The following GPR161 variants were observed in gnomAD, a reference collection of about 807,000 sequenced individuals.
GPR161 encodes G-protein coupled receptor RE2.
GPR161 carries 25 observed loss-of-function variants against 39.2 expected under a neutral mutation model. The observed-to-expected ratio is 0.64, with a 90% CI of 0.47 to 0.89. The LOEUF is 0.89. Ranked by LOEUF, GPR161 falls within the 40% of genes least tolerant of loss-of-function variation. GPR161 has a pLI of 0.00. For missense variants in GPR161, 547 were observed against 677.8 expected (o/e 0.81, Z 2.14); for synonymous variants, 286 against 276.6 (o/e 1.03, Z -0.34).
Position 168,136,916 on chromosome 1 carries a change from G to T in GPR161, c.-222C>A. On this transcript the variant is annotated 5_prime_UTR_variant, in exon 1 of 6. Coordinates refer to ENST00000682931, the MANE Select transcript of GPR161 (RefSeq NM_001375883.1). ...CAGCCACCAGCACGCGGACCCGGGC[G>T]GGCGCAGGCCAAGTAACTTTGCGGC... 1 of 978,682 alleles carries T rather than the reference G, an allele frequency of 1.0e-6. No homozygotes were observed. Among genetic ancestry groups the T allele is most frequent in the Non-Finnish European group, 1.2e-6 (1 of 827,454 alleles). The allele number at this position is 978,682 out of a possible 1,614,324, so 60.6% of individuals were successfully genotyped here. A position where few individuals can be genotyped will look rare whatever the true frequency, so the allele number is the denominator to read the frequency against.
rs1694320230 is a variant in GPR161 at position 168,084,851 on chromosome 1, C to G, written c.*680G>C. 4 of 455,994 alleles carry G rather than the reference C, an allele frequency of 8.8e-6. No homozygotes were observed. Among genetic ancestry groups the G allele is most frequent in the Non-Finnish European group, 1.8e-5 (4 of 226,952 alleles). 28.2% of individuals were successfully genotyped at this position (455,994 alleles called of 1,614,324 possible). A position where few individuals can be genotyped will look rare whatever the true frequency, so the allele number is the denominator to read the frequency against. On this transcript the variant is annotated 3_prime_UTR_variant, in exon 6 of 6. Transcript: ENST00000682931. ...TAGTGGTTTCTCCCTTTTGAAATAC[C>G]AAAGAACTTGTCAGTAGGGAAGTAG... is the stretch of plus-strand genomic sequence containing the variant.
At chr1:168,116,968 C>T (rs1336940828) in intron 1 of GPR161, among the ~76,000 whole-genome samples, 1 of 152,126 alleles carries the variant, frequency 6.6e-6, no homozygotes, top group Admixed American at 6.6e-5. Context: ...ATTCTGAATT[C>T]GCCAATGGGA....
intron 4 of GPR161, chr1:168,088,617 G>C (rs1259382310): frequency 2.6e-5 from 4 of 152,210 alleles, no homozygotes; most frequent in African/African-American, 9.7e-5. Context: ...TGTAAACCTG[G>C]GGTCATCATT....
intron 1 of GPR161, among the ~76,000 whole-genome samples, chr1:168,110,529 AAAGG>A (rs1320392726): frequency 1.3e-5 from 1 of 79,582 alleles, no homozygotes; most frequent in African/African-American, 6.8e-5. Context: ...AAAACGAAAG[AAAGG>A]AAAGGAAAGA....
At chr1:168,137,198 C>T, upstream of GPR161, 1 of 1,434,130 alleles carries the variant, frequency 7.0e-7, no homozygotes, top group African/African-American at 1.4e-5. Context: ...TCCTGAAAAC[C>T]TTTGTGGTGC....
In GPR161 at chr1:168,085,134, C is replaced by T. The variant is rs1403349614; in HGVS notation, c.*397G>A. The stretch of plus-strand genomic sequence containing the variant: ...CTCCTGAGGCATCTGGCACAGTGCA[C>T]GGCTGGACTCCCAGCACACTGTGAA... On this transcript the variant is annotated 3_prime_UTR_variant, in exon 6 of 6. Coordinates refer to ENST00000682931, the MANE Select transcript of GPR161 (RefSeq NM_001375883.1). The T allele has an allele frequency of 4.4e-6, 2 of 459,020 alleles. No individual in the cohort carries two copies. The highest frequency in any genetic ancestry group is 4.7e-5 in the Admixed American group (2 of 42,362). 28.4% of individuals were successfully genotyped at this position (459,020 alleles called of 1,614,324 possible).
chr1:168,132,317 G>A (rs1396400891), intron 1 of GPR161, among the ~76,000 whole-genome samples: 1 of 151,772 alleles, frequency 6.6e-6, no homozygotes, highest in Non-Finnish European at 1.5e-5. Context: ...GCCGGGCGCT[G>A]TGGCTCTCGC....
At chr1:168,097,280 G>C in intron 2 of GPR161, 48 bp from the exon 3 acceptor site, 1 of 1,558,080 alleles carries the variant, frequency 6.4e-7, no homozygotes, top group South Asian at 1.2e-5. Flanking sequence ...AGCGGAGAGA[G>C]AAAACCGCTG....
chr1:168,119,639 G>T (rs1191115277), intron 1 of GPR161, among the ~76,000 whole-genome samples: 5 of 152,136 alleles, frequency 3.3e-5, no homozygotes, highest in Admixed American at 3.3e-4. Flanking sequence ...CTTAAAAATG[G>T]TTAAGATGGT....
In GPR161 at chr1:168,099,847, G is replaced by A. The variant is rs907929541; in HGVS notation, c.375-2615C>T. Among the ~76,000 whole-genome samples, 9 of 141,388 alleles carry A rather than the reference G, an allele frequency of 6.4e-5. No individual in the cohort carries two copies. In the East Asian group the frequency reaches 1.3e-3, roughly 21 times the overall value. The allele number at this position is 141,388 out of a possible 152,430, so 92.8% of individuals were successfully genotyped here. On this transcript the variant is annotated intron_variant, in intron 2 of 5. Transcript: ENST00000682931. Reference sequence around the variant, plus strand: ...TTAAGTTTTTTTTTTGGGGGGGGGGGGTTGGTGTGGATAAAATGTATGTAC... The same window carrying A: ...TTAAGTTTTTTTTTTGGGGGGGGGGAGTTGGTGTGGATAAAATGTATGTAC...
At chr1:168,094,282 T>C (rs759033242) in intron 3 of GPR161, among the ~76,000 whole-genome samples, 1 of 152,208 alleles carries the variant, frequency 6.6e-6, no homozygotes, top group Non-Finnish European at 1.5e-5. Flanking sequence ...TCTATTTTTT[T>C]TTGCCTAGAA....
chr1:168,127,206 C>T (rs775287063), intron 1 of GPR161, among the ~76,000 whole-genome samples: 6 of 152,124 alleles, frequency 3.9e-5, no homozygotes, highest in South Asian at 4.1e-4. Context: ...TCAAGCTGGC[C>T]GGGCACAGTG....
In GPR161 at chr1:168,083,920, CCT is replaced by C. The variant is rs1483653701; in HGVS notation, c.*1609_*1610del. On this transcript the variant is annotated 3_prime_UTR_variant, in exon 6 of 6. Coordinates refer to ENST00000682931, the MANE Select transcript of GPR161 (RefSeq NM_001375883.1). ...GGTAATTCACTTTCTAGAACAGCTGCCTCTCAGCAACCAGCAAGATCTCCTTG... is the reference window on the plus strand; with the variant it reads ...GGTAATTCACTTTCTAGAACAGCTGCCTCAGCAACCAGCAAGATCTCCTTG... 1 of 152,288 alleles carries C rather than the reference CCT, an allele frequency of 6.6e-6. No homozygotes were observed. Among genetic ancestry groups the C allele is most frequent in the Non-Finnish European group, 1.5e-5 (1 of 68,082 alleles). The allele number at this position is 152,288 out of a possible 1,614,324, so 9.4% of individuals were successfully genotyped here.
Position 168,085,754 on chromosome 1 carries a change from T to C in GPR161, c.1367A>G (p.His456Arg), listed in dbSNP as rs1694431473. ...NSILHVKAEV[H>R]KSLDSYAASL... ...TGCTGCGTAACTGTCCAAGGACTTG[T>C]GTACTTCAGCTTTCACATGAAGAAT... Residue 456 changes from histidine to arginine, a missense_variant, in exon 6 of 6, where the codon CAC becomes CGC. Transcript: ENST00000682931. The C allele has an allele frequency of 6.2e-7, 1 of 1,613,976 alleles. No homozygotes were observed.
rs990666253 is a variant in GPR161 at position 168,104,978 on chromosome 1, G to C, written c.-44-84C>G. 6.6e-6 allele frequency: 7 copies of C among 1,055,992 alleles called. No individual in the cohort carries two copies. In the African/African-American group the frequency reaches 9.4e-5, roughly 14 times the overall value. The allele number at this position is 1,055,992 out of a possible 1,614,324, so 65.4% of individuals were successfully genotyped here. A position where few individuals can be genotyped will look rare whatever the true frequency, so the allele number is the denominator to read the frequency against. ...CACCTTAGGGAAGAAAGGCTTAAAG[G>C]GGTTAAGTGCTACGCCTCAGATCAC... On this transcript the variant is annotated intron_variant, in intron 1 of 5. Coordinates refer to ENST00000682931, the MANE Select transcript of GPR161 (RefSeq NM_001375883.1).
intron 1 of GPR161, among the ~76,000 whole-genome samples, chr1:168,129,930 C>T (rs1331529744): frequency 6.6e-6 from 1 of 152,134 alleles, no homozygotes; most frequent in Admixed American, 6.5e-5. Flanking sequence ...GCAAGGTCAC[C>T]CTAACATCCT....
At chr1:168,091,214 A>G (rs1036282570) in intron 3 of GPR161, among the ~76,000 whole-genome samples, 3 of 151,482 alleles carry the variant, frequency 2.0e-5, no homozygotes, top group Non-Finnish European at 4.4e-5. Flanking sequence ...AAACTCAGGA[A>G]CGGGGTTGGG....
chr1:168,129,963 T>C lies in GPR161; in HGVS notation c.-45+6776A>G, dbSNP rs146122935. On this transcript the variant is annotated intron_variant, in intron 1 of 5. Coordinates refer to ENST00000682931, the MANE Select transcript of GPR161 (RefSeq NM_001375883.1). ...CCTAGCCAAACCCAATGGGCCCTTA[T>C]TGAGCTCTCTGCAGCATCTGACACT... Among the ~76,000 whole-genome samples, 167 of 152,306 alleles carry C rather than the reference T, an allele frequency of 1.1e-3. 1 individual carries two copies. Among genetic ancestry groups the C allele is most frequent in the African/African-American group, 3.8e-3 (158 of 41,574 alleles).
intron 1 of GPR161, chr1:168,135,948 T>C: frequency 5.8e-6 from 5 of 859,116 alleles, no homozygotes; most frequent in South Asian, 5.9e-5. Context: ...GCGATGCCAA[T>C]GCGCAGCTAT....
Sources: allele counts gnomAD v4.1 joint callset (sites outside exome capture counted in the v4.1 genomes callset), GRCh38; gene constraint gnomAD v4.1.1; transcripts MANE v1.5; gene names NCBI Gene and HGNC (gene_info 2026-07-23, HGNC 2026-07-21).